PTPN14: variants seen among roughly 807,000 people sequenced by gnomAD.
The protein encoded by PTPN14 is tyrosine-protein phosphatase non-receptor type 14.
In PTPN14, 53 loss-of-function variants were observed where a neutral mutation model predicts 126.8. The ratio of observed to expected loss-of-function variants is 0.42; its 90% confidence interval spans 0.34 to 0.53. PTPN14 has a LOEUF of 0.53. Among genes scored for constraint, PTPN14 ranks in the 20% least tolerant of loss-of-function variants. PTPN14 has a pLI of 0.08. For synonymous variants in PTPN14, 630 were observed against 599.3 expected (o/e 1.05, Z -0.75); for missense variants, 1,257 against 1,552.9 (o/e 0.81, Z 3.20).
chr1:214,440,796 T>C (rs1660021916), intron 3 of PTPN14, among the ~76,000 whole-genome samples: 2 of 152,326 alleles, frequency 1.3e-5, no homozygotes, highest in South Asian at 4.1e-4. Flanking sequence ...CACAAGAATG[T>C]GTAAATGCTG....
rs57357032 is a variant in PTPN14, at chr1:214,395,588, AACACACACACACAC to A, written c.759-616_759-603del. Among the ~76,000 whole-genome samples the A allele has an allele frequency of 1.4e-3, 183 of 132,538 alleles. 1 individual carries two copies. Among genetic ancestry groups the A allele is most frequent in the African/African-American group, 3.0e-3 (107 of 35,348 alleles). 87.0% of individuals were successfully genotyped at this position (132,538 alleles called of 152,430 possible). A position where few individuals can be genotyped will look rare whatever the true frequency, so the allele number is the denominator to read the frequency against. On this transcript the variant is annotated intron_variant, in intron 8 of 18. Coordinates refer to ENST00000366956, the MANE Select transcript of PTPN14 (RefSeq NM_005401.5). ...ATGTGCCTACACTTTGGGACCCAAC[AACACACACACACAC>A]ACACACACACACACACACACACACA...
At chr1:214,382,095 G>T (rs939884880) in intron 13 of PTPN14, among the ~76,000 whole-genome samples, 1 of 152,126 alleles carries the variant, frequency 6.6e-6, no homozygotes, top group Admixed American at 6.5e-5. Context: ...TACTGATGGG[G>T]TTTCACCATG....
chr1:214,458,428 T>C (rs1388402804), intron 2 of PTPN14, among the ~76,000 whole-genome samples: 1 of 152,126 alleles, frequency 6.6e-6, no homozygotes, highest in Admixed American at 6.6e-5. Flanking sequence ...GGAAGTGTCA[T>C]GGCAGAGGCT....
intron 3 of PTPN14, among the ~76,000 whole-genome samples, chr1:214,437,705 A>G (rs527257477): frequency 2.0e-5 from 3 of 152,284 alleles, no homozygotes; most frequent in Admixed American, 1.3e-4. Flanking sequence ...ACTAAATAAG[A>G]CCACGCCATC....
chr1:214,384,094 G>T lies in PTPN14; in HGVS notation c.1761C>A (p.His587Gln). 1 of 1,573,650 alleles carries T rather than the reference G, an allele frequency of 6.4e-7. No homozygotes were observed. Residue 587 changes from histidine to glutamine, a missense_variant, in exon 13 of 19, where the codon CAC (histidine) becomes CAA (glutamine). Transcript: ENST00000366956. The surrounding 1 kb of genome is among the most constrained non-coding windows in gnomAD (Gnocchi z 5.3). Reference sequence around the variant, plus strand: ...CCGGGCTGCTGCCGCTGACGTACTTGTGGCGGTGGCTGGCCAGGTCTGGGG... The same window carrying T: ...CCGGGCTGCTGCCGCTGACGTACTTTTGGCGGTGGCTGGCCAGGTCTGGGG... Reference protein sequence around the residue: ...TSTPDLASHRHKYVSGSSPDL... With the variant: ...TSTPDLASHRQKYVSGSSPDL...
chr1:214,411,172 A>T (rs1283199762), intron 5 of PTPN14, among the ~76,000 whole-genome samples: 2 of 151,298 alleles, frequency 1.3e-5, no homozygotes, highest in African/African-American at 4.9e-5. Context: ...AGTTAAATTT[A>T]CTCCTAGGTA....
intron 1 of PTPN14, among the ~76,000 whole-genome samples, chr1:214,495,151 G>A (rs1170488540): frequency 1.3e-5 from 2 of 152,154 alleles, no homozygotes; most frequent in African/African-American, 2.4e-5. Context: ...TGAAGAAAGA[G>A]CACTGAATTT....
At chr1:214,506,936 T>G (rs1354409471) in intron 1 of PTPN14, among the ~76,000 whole-genome samples, 1 of 151,606 alleles carries the variant, frequency 6.6e-6, no homozygotes. Context: ...TGTTTTGTAC[T>G]GAGGAAAGGA....
chr1:214,426,919 G>C lies in PTPN14; in HGVS notation c.345-12193C>G, dbSNP rs561842793. On this transcript the variant is annotated intron_variant, in intron 3 of 18. Coordinates refer to ENST00000366956, the MANE Select transcript of PTPN14 (RefSeq NM_005401.5). The stretch of plus-strand genomic sequence containing the variant: ...CTCTCCAGAAGAGAAGTACTAAGTA[G>C]GTATTCAAATTCTCTCTTTAAAAAC... 3.4e-3 allele frequency among the ~76,000 whole-genome samples: 511 copies of C among 152,140 alleles called. 2 individuals carry two copies. Among genetic ancestry groups the C allele is most frequent in the African/African-American group, 0.012 (495 of 41,516 alleles).
In PTPN14 at chr1:214,464,664, A is replaced by G; in HGVS notation, c.140T>C (p.Leu47Pro). The change falls in exon 2 of 19, where the codon CTG becomes CCG. Residue 47 changes from leucine (L) to proline (P), a missense_variant. By Grantham distance (98) the Leu-to-Pro change is moderately conservative. This residue lies in a region of PTPN14 where 1,021 missense variants were observed against 1,183.3 expected (regional missense o/e 0.86). Transcript: ENST00000366956. ...LSVESTGQEC[L>P]EAVAQRLELR... Reference sequence around the variant, plus strand: ...CTCCAGCCTCTGGGCCACAGCCTCCAGGCATTCTTGCCCTGTGCTTTCCAC... The same window carrying G: ...CTCCAGCCTCTGGGCCACAGCCTCCGGGCATTCTTGCCCTGTGCTTTCCAC... The G allele has an allele frequency of 1.2e-6, 2 of 1,614,236 alleles. No individual in the cohort carries two copies. The highest frequency in any genetic ancestry group is 1.7e-6 in the Non-Finnish European group (2 of 1,180,024).
chr1:214,400,261 G>A (rs557428226), intron 7 of PTPN14, among the ~76,000 whole-genome samples: 1 of 152,212 alleles, frequency 6.6e-6, no homozygotes, highest in Non-Finnish European at 1.5e-5. Context: ...ACCCCCCACT[G>A]GTACTGTTGC....
intron 5 of PTPN14, among the ~76,000 whole-genome samples, chr1:214,409,700 T>C (rs916767959): frequency 6.6e-6 from 1 of 152,172 alleles, no homozygotes; most frequent in African/African-American, 2.4e-5. Flanking sequence ...TCAGTAACAC[T>C]TGTTATCTTT....
chr1:214,407,175 G>T (rs1659190246), intron 5 of PTPN14, among the ~76,000 whole-genome samples: 2 of 152,180 alleles, frequency 1.3e-5, no homozygotes, highest in Admixed American at 1.3e-4. Flanking sequence ...GAATTAATAA[G>T]GTATGAAAAC....
rs760134742 is a variant in PTPN14 at position 214,383,286 on chromosome 1, T to C, written c.2544+25A>G. 1 of 1,592,816 alleles carries C rather than the reference T, an allele frequency of 6.3e-7. No individual in the cohort carries two copies. The highest frequency in any genetic ancestry group is 8.6e-7 in the Non-Finnish European group (1 of 1,165,270). Reference sequence around the variant, plus strand: ...AAGCATGTGCTTTCACACTGGAAAATGCCCTGGGAGAGGAGGACACTCACC... The same window carrying C: ...AAGCATGTGCTTTCACACTGGAAAACGCCCTGGGAGAGGAGGACACTCACC... On this transcript the variant is annotated intron_variant, in intron 13 of 18. Transcript: ENST00000366956. The surrounding 1 kb of genome is among the most constrained non-coding windows in gnomAD (Gnocchi z 4.4).
chr1:214,378,246 C>T (rs923536452), intron 13 of PTPN14, 144 bp from the exon 14 acceptor site: 1 of 1,083,546 alleles, frequency 9.2e-7, no homozygotes, highest in East Asian at 2.6e-5. Context: ...CACAGCCTTC[C>T]CACTATTCCC....
chr1:214,500,443 T>C (rs886532731), intron 1 of PTPN14, among the ~76,000 whole-genome samples: 2 of 152,190 alleles, frequency 1.3e-5, no homozygotes, highest in Non-Finnish European at 2.9e-5. Context: ...GAGAGGCTTC[T>C]TATAATCAGA....
At chr1:214,466,933 C>T (rs1660652995) in intron 1 of PTPN14, among the ~76,000 whole-genome samples, 1 of 152,172 alleles carries the variant, frequency 6.6e-6, no homozygotes, top group Non-Finnish European at 1.5e-5. Context: ...AACCCTGCAA[C>T]ATAGCAAAAC....
chr1:214,541,542 G>A (rs1449604866), intron 1 of PTPN14, among the ~76,000 whole-genome samples: 9 of 152,118 alleles, frequency 5.9e-5, no homozygotes, highest in Non-Finnish European at 1.5e-5. Context: ...AGTCAACCAG[G>A]CCAATGACGG....
In PTPN14 at chr1:214,393,672, G is replaced by A. The variant is rs778673166; in HGVS notation, c.929+23C>T. The stretch of plus-strand genomic sequence containing the variant: ...TTAATCTGACAAAGCCATCAAGTCG[G>A]GGGGGATTAAATGTTTACTTACTCA... On this transcript the variant is annotated intron_variant, in intron 10 of 18. Transcript: ENST00000366956. The A allele has an allele frequency of 3.8e-5, 52 of 1,374,508 alleles. 1 individual carries two copies. In the East Asian group the frequency reaches 4.5e-4, roughly 12 times the overall value. 85.1% of individuals were successfully genotyped at this position (1,374,508 alleles called of 1,614,324 possible).
Sources: gnomAD v4.1 joint callset for allele counts (sites outside exome capture counted in the v4.1 genomes callset) on GRCh38, gnomAD v4.1.1 for gene constraint, gnomAD v4.1.1 regional missense constraint, Gnocchi (gnomAD v3.1) non-coding constraint, MANE v1.5 for transcripts, NCBI Gene and HGNC (gene_info 2026-07-23, HGNC 2026-07-21) for gene names.